The following SLC66A2 variants were observed in gnomAD, a reference collection of about 807,000 sequenced individuals.
The protein encoded by SLC66A2 is solute carrier family 66 member 2.
Under a neutral mutation model 25.5 loss-of-function variants are expected in SLC66A2, and 23 were observed. The ratio of observed to expected loss-of-function variants is 0.90; its 90% confidence interval spans 0.65 to 1.28. SLC66A2 has a LOEUF of 1.28. Ranked by LOEUF, SLC66A2 falls within the 50% of genes most tolerant of loss-of-function variation. SLC66A2 has a pLI of 0.00. For synonymous variants in SLC66A2, 193 were observed against 166.5 expected (o/e 1.16, Z -1.23); for missense variants, 396 against 373.1 (o/e 1.06, Z -0.51).
intron 4 of SLC66A2, among the ~76,000 whole-genome samples, chr18:79,929,822 T>C (rs1986382051): frequency 6.6e-6 from 1 of 151,954 alleles, no homozygotes; most frequent in African/African-American, 2.4e-5. Flanking sequence ...ATTTTAAAAC[T>C]CACTATAAGG....
At position 79,917,580 on chromosome 18, in the gene SLC66A2, C is replaced by T. The variant is rs1399426302; in HGVS notation, c.608+1604G>A. ...GCCACACTCCGCCGGACAAGGCCCA[C>T]GTCCAGCCGGGGAGCCTACATACGA... On this transcript the variant is annotated intron_variant, in intron 5 of 5. Transcript: ENST00000397778. The surrounding 1 kb of genome is among the most constrained non-coding windows in gnomAD (Gnocchi z 6.0). Among the ~76,000 whole-genome samples, 4 of 152,132 alleles carry T rather than the reference C, an allele frequency of 2.6e-5. No homozygotes were observed. The highest frequency in any genetic ancestry group is 5.9e-5 in the Non-Finnish European group (4 of 68,002).
In SLC66A2 at chr18:79,950,854, T is replaced by C. The variant is rs2051096199; in HGVS notation, c.73A>G (p.Met25Val). Residue 25 changes from methionine to valine, a missense_variant, in exon 2 of 6, where the codon ATG (methionine) becomes GTG (valine). Transcript: ENST00000397778. ...TAGGGCACCACCCCTCCGAAGACCA[T>C]GGCCGCGGCCGCGCCCCAGGACACC... is the stretch of plus-strand genomic sequence containing the variant. ...QLVSWGAAAA[M>V]VFGGVVPYVP... 2.5e-6 allele frequency: 4 copies of C among 1,610,318 alleles called. No homozygotes were observed. The highest frequency in any genetic ancestry group is 1.3e-5 in the African/African-American group (1 of 74,816).
intron 4 of SLC66A2, among the ~76,000 whole-genome samples, chr18:79,926,042 G>A (rs554523067): frequency 1.3e-5 from 2 of 152,260 alleles, no homozygotes; most frequent in African/African-American, 2.4e-5. Context: ...ACCTCTGGTC[G>A]TCCTCACTGC....
chr18:79,905,136 C>A (rs922299530), intron 5 of SLC66A2, among the ~76,000 whole-genome samples: 16 of 152,234 alleles, frequency 1.1e-4, no homozygotes. Context: ...GCCCACAGTG[C>A]TCGGCTCTAG....
At position 79,951,591 on chromosome 18, in the gene SLC66A2, A is replaced by AGCCCCGCGCCCAGC. The variant is rs1280292302; in HGVS notation, c.-124_-111dup. The AGCCCCGCGCCCAGC allele has an allele frequency of 2.7e-5, 4 of 150,602 alleles. No individual in the cohort carries two copies. The highest frequency in any genetic ancestry group is 7.3e-5 in the African/African-American group (3 of 40,994). 9.3% of individuals were successfully genotyped at this position (150,602 alleles called of 1,614,324 possible). The stretch of plus-strand genomic sequence containing the variant: ...CCCCGCGCTCCTTACCTGCGCCCCC[A>AGCCCCGCGCCCAGC]GCCCCGCGCCCAGCGCCCCGCGTCC... On this transcript the variant is annotated 5_prime_UTR_variant, in exon 1 of 6. Transcript: ENST00000397778.
Position 79,904,938 on chromosome 18 carries a change from GAA to G in SLC66A2, c.609-757_609-756del, listed in dbSNP as rs746278942. 1.2e-4 allele frequency among the ~76,000 whole-genome samples: 18 copies of G among 152,326 alleles called. No individual in the cohort carries two copies. Among genetic ancestry groups the G allele is most frequent in the Non-Finnish European group, 1.9e-4 (13 of 68,018 alleles). On this transcript the variant is annotated intron_variant, in intron 5 of 5. Coordinates refer to ENST00000397778, the MANE Select transcript of SLC66A2 (RefSeq NM_025078.5). This position sits in a 1 kb window ranked among gnomAD's most constrained non-coding sequence, Gnocchi z 6.3. The stretch of plus-strand genomic sequence containing the variant: ...CTGGGTGGGGAGCGCTGCCTGGACA[GAA>G]AGGACAGGACACAGCCCTCCCCCAC...
chr18:79,925,936 G>A (rs113702893), intron 4 of SLC66A2, among the ~76,000 whole-genome samples: 2,511 of 152,250 alleles, frequency 0.016, 27 homozygotes, highest in Non-Finnish European at 0.026. Context: ...ACAGGAGGTC[G>A]GCACAAGATA....
rs1195258694 is a variant in SLC66A2 at position 79,904,700 on chromosome 18, C to T, written c.609-517G>A. Among the ~76,000 whole-genome samples the T allele has an allele frequency of 1.3e-5, 2 of 152,184 alleles. No homozygotes were observed. Among genetic ancestry groups the T allele is most frequent in the African/African-American group, 2.4e-5 (1 of 41,450 alleles). ...GCTGCTTTTGGGTCTCTGCCGGCCTCCCTCCCTGGTGATAGATGCAAACCT... is the reference window on the plus strand; with the variant it reads ...GCTGCTTTTGGGTCTCTGCCGGCCTTCCTCCCTGGTGATAGATGCAAACCT... On this transcript the variant is annotated intron_variant, in intron 5 of 5. Transcript: ENST00000397778. The surrounding 1 kb of genome is among the most constrained non-coding windows in gnomAD (Gnocchi z 6.3).
chr18:79,905,072 G>A (rs1981884122), intron 5 of SLC66A2, among the ~76,000 whole-genome samples: 1 of 152,178 alleles, frequency 6.6e-6, no homozygotes, highest in Non-Finnish European at 1.5e-5. Context: ...TTCAGGGCTG[G>A]AGCTAGGAAC....
intron 4 of SLC66A2, among the ~76,000 whole-genome samples, chr18:79,922,716 C>G (rs1044206658): frequency 6.6e-6 from 1 of 151,616 alleles, no homozygotes; most frequent in Admixed American, 6.6e-5. Context: ...CTGCAAGGCC[C>G]GCACCTGACC....
At chr18:79,938,916 T>A (rs1044861993) in intron 3 of SLC66A2, among the ~76,000 whole-genome samples, 4 of 152,234 alleles carry the variant, frequency 2.6e-5, no homozygotes, top group African/African-American at 9.6e-5. Flanking sequence ...GACCTCGTGA[T>A]CCGCCCACCT....
At position 79,927,237 on chromosome 18, in the gene SLC66A2, G is replaced by C. The variant is rs1446318519; in HGVS notation, c.391+6732C>G. Among the ~76,000 whole-genome samples, 1 of 152,130 alleles carries C rather than the reference G, an allele frequency of 6.6e-6. No individual in the cohort carries two copies. Among genetic ancestry groups the C allele is most frequent in the African/African-American group, 2.4e-5 (1 of 41,392 alleles). ...GGCACTGCCCAGACCCGGAGCTGCA[G>C]GCAGGGCTCAGCAGGACCCCAGGCG... On this transcript the variant is annotated intron_variant, in intron 4 of 5. Transcript: ENST00000397778. The surrounding 1 kb of genome is among the most constrained non-coding windows in gnomAD (Gnocchi z 6.2).
chr18:79,938,474 G>A (rs1987332802), intron 3 of SLC66A2, among the ~76,000 whole-genome samples: 1 of 152,190 alleles, frequency 6.6e-6, no homozygotes, highest in African/African-American at 2.4e-5. Flanking sequence ...GAGGGGCTCT[G>A]ACCCTGACTC....
At chr18:79,938,582 G>A (rs565465141) in intron 3 of SLC66A2, among the ~76,000 whole-genome samples, 8 of 152,342 alleles carry the variant, frequency 5.3e-5, no homozygotes, top group African/African-American at 1.4e-4. Flanking sequence ...TGTGAAAGGC[G>A]ACTGTAGAAG....
At chr18:79,909,715 A>C (rs567173369) in intron 5 of SLC66A2, among the ~76,000 whole-genome samples, 22 of 105,904 alleles carry the variant, frequency 2.1e-4, no homozygotes, top group Admixed American at 4.6e-4. Flanking sequence ...CCATCTCACA[A>C]CAGAGTCCCC....
In SLC66A2 at chr18:79,940,733, C is replaced by G. The variant is rs191257710; in HGVS notation, c.337+2596G>C. On this transcript the variant is annotated intron_variant, in intron 3 of 5. Transcript: ENST00000397778. The surrounding 1 kb of genome is among the most constrained non-coding windows in gnomAD (Gnocchi z 4.1). The stretch of plus-strand genomic sequence containing the variant: ...CTTTCATCAAGACGCCCTGCAGGAA[C>G]AGGCCTGGCCCATCCACCAAGGGGA... Among the ~76,000 whole-genome samples the G allele has an allele frequency of 6.6e-6, 1 of 152,174 alleles. No individual in the cohort carries two copies. The highest frequency in any genetic ancestry group is 1.5e-5 in the Non-Finnish European group (1 of 68,024).
At chr18:79,908,635 A>C (rs944607652) in intron 5 of SLC66A2, among the ~76,000 whole-genome samples, 18 of 152,190 alleles carry the variant, frequency 1.2e-4, no homozygotes, top group Non-Finnish European at 2.5e-4. Flanking sequence ...CTCTGGGCTC[A>C]GATGACAGAA....
rs1743042497 is a variant in SLC66A2, at chr18:79,902,940, T to A, written c.*1036A>T. The A allele has an allele frequency of 6.5e-6, 1 of 153,068 alleles. No individual in the cohort carries two copies. The highest frequency in any genetic ancestry group is 3.4e-3 in the Middle Eastern group (1 of 294). 9.5% of individuals were successfully genotyped at this position (153,068 alleles called of 1,614,324 possible). On this transcript the variant is annotated 3_prime_UTR_variant, in exon 6 of 6. Transcript: ENST00000397778. ...GGGGTGGGCAGTGGACAGGACAGGA[T>A]GCGGCAGGCCCCAGTACCCCCCACT...
At chr18:79,926,385 G>C (rs931471469) in intron 4 of SLC66A2, among the ~76,000 whole-genome samples, 2 of 152,172 alleles carry the variant, frequency 1.3e-5, no homozygotes, top group Non-Finnish European at 2.9e-5. Context: ...GAATGCCAGA[G>C]AGCTTCCTGT....
Sources: gnomAD v4.1 joint callset for allele counts (sites outside exome capture counted in the v4.1 genomes callset) on GRCh38, gnomAD v4.1.1 for gene constraint, Gnocchi (gnomAD v3.1) non-coding constraint, MANE v1.5 for transcripts, NCBI Gene and HGNC (gene_info 2026-07-23, HGNC 2026-07-21) for gene names.